The following SREBF2 variants were observed in gnomAD, a reference collection of about 807,000 sequenced individuals.
The protein encoded by SREBF2 is sterol regulatory element-binding protein 2.
Under a neutral mutation model 113.1 loss-of-function variants are expected in SREBF2, and 55 were observed. That is an observed-to-expected ratio of 0.49 (90% CI 0.39 to 0.61). SREBF2 has a LOEUF of 0.61. Among genes scored for constraint, SREBF2 ranks in the 20% least tolerant of loss-of-function variants. The pLI is 0.00. For missense variants in SREBF2, 1,349 were observed against 1,487.4 expected (o/e 0.91, Z 1.53); for synonymous variants, 593 against 605.7 (o/e 0.98, Z 0.31).
chr22:41,883,054 C>T (rs546857292), intron 10 of SREBF2, among the ~76,000 whole-genome samples: 131 of 152,270 alleles, frequency 8.6e-4, no homozygotes, highest in African/African-American at 2.9e-3. Flanking sequence ...GAGGCTGCAG[C>T]GAGCTGTGAT....
At chr22:41,902,839 ACT>A (rs976549763) in intron 16 of SREBF2, 129 bp from the exon 17 acceptor site, 2 of 1,013,014 alleles carry the variant, frequency 2.0e-6, no homozygotes, top group African/African-American at 3.2e-5. Flanking sequence ...AGTTCACCAG[ACT>A]CTGGGGCTCT....
intron 1 of SREBF2, among the ~76,000 whole-genome samples, chr22:41,848,818 G>A (rs549938787): frequency 2.0e-5 from 3 of 152,216 alleles, no homozygotes; most frequent in Admixed American, 6.5e-5. Context: ...CACCAAGACC[G>A]CTTTTCAAGC....
intron 1 of SREBF2, among the ~76,000 whole-genome samples, chr22:41,841,385 T>A (rs943337814): frequency 2.4e-4 from 37 of 152,350 alleles, no homozygotes; most frequent in Admixed American, 2.2e-3. Flanking sequence ...TTTCCACCCA[T>A]TTTTGTCTCC....
chr22:41,877,898 G>T (rs568531992), intron 8 of SREBF2, 44 bp from the exon 9 acceptor site: 3 of 1,612,422 alleles, frequency 1.9e-6, no homozygotes, highest in Non-Finnish European at 1.7e-6. Flanking sequence ...TGGCTGCTCC[G>T]CAAGGCCTTT....
At chr22:41,855,019 T>TAAAA (rs746090034) in intron 1 of SREBF2, among the ~76,000 whole-genome samples, 1 of 138,562 alleles carries the variant, frequency 7.2e-6, no homozygotes. Flanking sequence ...TGTGCAGCAT[T>TAAAA]AAAAAAAAAA....
rs1234869346 is a variant in SREBF2 at position 41,864,237 on chromosome 22, TATATATATATATATATATATATATAC to T, written c.89-2592_89-2567del. On this transcript the variant is annotated intron_variant, in intron 1 of 18. Transcript: ENST00000361204. ...CCTTCTGCAAGCATATATATATATATATATATATATATATATATATATATACACACACACACACACACACACAAAAT... is the reference window on the plus strand; with the variant it reads ...CCTTCTGCAAGCATATATATATATATACACACACACACACACACACAAAAT... Among the ~76,000 whole-genome samples, 53 of 80,676 alleles carry T rather than the reference TATATATATATATATATATATATATAC, an allele frequency of 6.6e-4. 1 individual carries two copies. Among genetic ancestry groups the T allele is most frequent in the African/African-American group, 2.5e-3 (48 of 18,914 alleles). The allele number at this position is 80,676 out of a possible 152,430, so 52.9% of individuals were successfully genotyped here. A position where few individuals can be genotyped will look rare whatever the true frequency, so the allele number is the denominator to read the frequency against.
chr22:41,850,208 G>C (rs1053354147), intron 1 of SREBF2, among the ~76,000 whole-genome samples: 1 of 152,052 alleles, frequency 6.6e-6, no homozygotes, highest in African/African-American at 2.4e-5. Context: ...CCAGCACTTT[G>C]GGAGGCCGAG....
chr22:41,881,501 T>C (rs991593587), intron 10 of SREBF2, among the ~76,000 whole-genome samples: 1 of 152,138 alleles, frequency 6.6e-6, no homozygotes, highest in African/African-American at 2.4e-5. Flanking sequence ...TCTGGGGAAG[T>C]AGAGTCTTGG....
rs947046290 is a variant in SREBF2, at chr22:41,833,429, C to T, written c.88+71C>T. The T allele has an allele frequency of 6.6e-6, 9 of 1,360,854 alleles. No homozygotes were observed. The African/African-American group carries it at 1.1e-4, about 16-fold the overall frequency. 84.3% of individuals were successfully genotyped at this position (1,360,854 alleles called of 1,614,324 possible). A position where few individuals can be genotyped will look rare whatever the true frequency, so the allele number is the denominator to read the frequency against. Reference sequence around the variant, plus strand: ...GGGGTTACGGCGGCGCGCCCGGGTGCGCGTGCGCCCACCCCCCGACAGCCC... The same window carrying T: ...GGGGTTACGGCGGCGCGCCCGGGTGTGCGTGCGCCCACCCCCCGACAGCCC... On this transcript the variant is annotated intron_variant, in intron 1 of 18. Coordinates refer to ENST00000361204, the MANE Select transcript of SREBF2 (RefSeq NM_004599.4). The surrounding 1 kb of genome is among the most constrained non-coding windows in gnomAD (Gnocchi z 4.1).
intron 1 of SREBF2, among the ~76,000 whole-genome samples, chr22:41,849,920 C>T (rs2076911645): frequency 1.4e-5 from 2 of 144,726 alleles, no homozygotes; most frequent in Non-Finnish European, 3.0e-5. Context: ...GGGTGGATCA[C>T]GAGGTCAGGA....
At chr22:41,876,774 C>A (rs2077201120) in intron 7 of SREBF2, among the ~76,000 whole-genome samples, 1 of 152,174 alleles carries the variant, frequency 6.6e-6, no homozygotes, top group Admixed American at 6.5e-5. Context: ...ATGTAACTGT[C>A]ACTGTAATCA....
intron 1 of SREBF2, among the ~76,000 whole-genome samples, chr22:41,851,606 G>A (rs1340987617): frequency 1.3e-5 from 2 of 152,046 alleles, no homozygotes; most frequent in African/African-American, 4.8e-5. Flanking sequence ...CGATTCTCCT[G>A]CCTCAGCCTT....
intron 9 of SREBF2, among the ~76,000 whole-genome samples, chr22:41,880,276 G>T (rs959329734): frequency 6.6e-6 from 1 of 152,032 alleles, no homozygotes; most frequent in Non-Finnish European, 1.5e-5. Context: ...TGCTGGCCGG[G>T]CATGGTGGCT....
intron 11 of SREBF2, among the ~76,000 whole-genome samples, chr22:41,885,214 TA>T (rs1569402271): frequency 1.3e-5 from 2 of 152,218 alleles, no homozygotes; most frequent in Non-Finnish European, 2.9e-5. Flanking sequence ...CTTGTGGCCT[TA>T]ATACCATAAG....
At chr22:41,855,387 G>A (rs1319811154) in intron 1 of SREBF2, among the ~76,000 whole-genome samples, 1 of 152,036 alleles carries the variant, frequency 6.6e-6, no homozygotes. Flanking sequence ...TTAGCTGGGT[G>A]TGGTGGCGGG....
rs1238504713 is a variant in SREBF2, at chr22:41,868,642, A to G, written c.570A>G (p.Thr190=). Reference sequence around the variant, plus strand: ...AGCCTCAAGTCCAAAGCCTGGTGACATCCTCCCAGGTACAGCCGGTCACCA... The same window carrying G: ...AGCCTCAAGTCCAAAGCCTGGTGACGTCCTCCCAGGTACAGCCGGTCACCA... The part of the protein sequence containing the change: ...VLQPQVQSLV[T]SSQVQPVTIQ... The change falls in exon 3 of 19, where the codon ACA becomes ACG. Residue 190 remains threonine, a synonymous_variant. Coordinates refer to ENST00000361204, the MANE Select transcript of SREBF2 (RefSeq NM_004599.4). 1.9e-6 allele frequency: 3 copies of G among 1,614,094 alleles called. No individual in the cohort carries two copies. The highest frequency in any genetic ancestry group is 2.5e-6 in the Non-Finnish European group (3 of 1,180,044).
intron 1 of SREBF2, among the ~76,000 whole-genome samples, chr22:41,842,758 G>T (rs1006780672): frequency 6.6e-6 from 1 of 152,158 alleles, no homozygotes; most frequent in African/African-American, 2.4e-5. Context: ...GGGAGGCCGA[G>T]CCGGGTGAAT....
rs553053719 is a variant in SREBF2, at chr22:41,900,532, T to G, written c.2907+34T>G. The G allele has an allele frequency of 3.3e-5, 53 of 1,604,356 alleles. 1 individual carries two copies. In the South Asian group the frequency reaches 5.6e-4, roughly 17 times the overall value. On this transcript the variant is annotated intron_variant, in intron 16 of 18. Coordinates refer to ENST00000361204, the MANE Select transcript of SREBF2 (RefSeq NM_004599.4). ...GAGCTGAGTTGGCCCCTGGGGGAGG[T>G]GCTCTGCACTGGTTTACGAGAACAC...
At position 41,906,024 on chromosome 22, in the gene SREBF2, C is replaced by T. The variant is rs1854602670; in HGVS notation, c.*364C>T. The T allele has an allele frequency of 2.0e-6, 1 of 489,288 alleles. No homozygotes were observed. The highest frequency in any genetic ancestry group is 1.9e-5 in the African/African-American group (1 of 51,486). 30.3% of individuals were successfully genotyped at this position (489,288 alleles called of 1,614,324 possible). On this transcript the variant is annotated 3_prime_UTR_variant, in exon 19 of 19. Coordinates refer to ENST00000361204, the MANE Select transcript of SREBF2 (RefSeq NM_004599.4). ...GCTTCCTCAGTTTTTATCAGGCTTT[C>T]TCTGGGGGACAGCAGTCTCTGAGCA...
Sources: gnomAD v4.1 joint callset for allele counts (sites outside exome capture counted in the v4.1 genomes callset) on GRCh38, gnomAD v4.1.1 for gene constraint, Gnocchi (gnomAD v3.1) non-coding constraint, MANE v1.5 for transcripts, NCBI Gene and HGNC (gene_info 2026-07-23, HGNC 2026-07-21) for gene names.